Variants in TCIRG1 observed in about 807,000 individuals in gnomAD.
TCIRG1 encodes the protein T cell immune regulator 1, ATPase H+ transporting V0 subunit a3.
In TCIRG1, 86 loss-of-function variants were observed where a neutral mutation model predicts 95.5. The observed-to-expected ratio is 0.90, with a 90% CI of 0.76 to 1.08. The LOEUF (loss-of-function observed/expected upper bound fraction) is 1.08. TCIRG1 is among the 50% of genes least tolerant of loss of function. The probability of loss-of-function intolerance (pLI) is 0.00; values close to 1 mark genes in which losing one functional copy is unlikely to be tolerated. For synonymous variants in TCIRG1, 499 were observed against 501.3 expected, an observed-to-expected ratio of 1.00 and a Z score of 0.06; for missense variants, 1,069 against 1,140.2, an observed-to-expected ratio of 0.94 and a Z score of 0.90.
At chr11:68,052,659 A>G (rs1855837481), downstream of TCIRG1, among the ~76,000 whole-genome samples, 1 of 152,152 alleles carries the variant, frequency 6.6e-6, no homozygotes, top group Non-Finnish European at 1.5e-5. Flanking sequence ...CAGGGAAACC[A>G]GAGTGTGCTG....
chr11:68,052,246 G>C (rs1434153075), downstream of TCIRG1: 1 of 152,414 alleles, frequency 6.6e-6, no homozygotes, highest in Non-Finnish European at 1.5e-5. Context: ...GGGTGGTTTA[G>C]GGAATGGCAG....
chr11:68,046,999 G>A (rs1259355382), intron 10 of TCIRG1: 1 of 407,306 alleles, frequency 2.5e-6, no homozygotes, highest in South Asian at 1.7e-5. Flanking sequence ...CTCCTAAGTG[G>A]TGGGTTCTTT....
In TCIRG1 at chr11:68,049,603, C is replaced by T. The variant is rs1046299569; in HGVS notation, c.1888-60C>T. 41 of 1,576,940 alleles carry T rather than the reference C, an allele frequency of 2.6e-5. No individual in the cohort carries two copies. The South Asian group carries it at 3.1e-4, about 12-fold the overall frequency. Reference sequence around the variant, plus strand: ...TCTGGGCCCCGTGACTGCTGTGACTCAGGTTCCTTTGCAGGTGTGCACAGC... The same window carrying T: ...TCTGGGCCCCGTGACTGCTGTGACTTAGGTTCCTTTGCAGGTGTGCACAGC... On this transcript the variant is annotated intron_variant, in intron 15 of 19. Transcript: ENST00000265686.
intron 2 of TCIRG1, 96 bp from the exon 3 acceptor site, chr11:68,041,657 C>A: frequency 9.7e-7 from 1 of 1,032,564 alleles, no homozygotes; most frequent in Non-Finnish European, 1.5e-6. Context: ...CTGGAGGAGG[C>A]AGCTAAGGCC....
At chr11:68,043,550 T>G (rs200924575) in intron 6 of TCIRG1, 21 bp from the exon 7 acceptor site, 2 of 1,600,524 alleles carry the variant, frequency 1.2e-6, no homozygotes, top group Non-Finnish European at 1.7e-6. Flanking sequence ...GACCCCAGAG[T>G]CAGCTGAGCC....
chr11:68,043,676 C>T (rs982596059), intron 7 of TCIRG1, 23 bp downstream of exon 7: 10 of 1,587,804 alleles, frequency 6.3e-6, no homozygotes, highest in Non-Finnish European at 8.6e-6. Flanking sequence ...GAACACCCGC[C>T]CCACCGCCCT....
At chr11:68,049,936 G>A in intron 16 of TCIRG1, 26 bp from the exon 17 acceptor site, 2 of 1,594,734 alleles carry the variant, frequency 1.3e-6, no homozygotes, top group South Asian at 1.1e-5. Flanking sequence ...CTGGAGTGCT[G>A]CCAACACTGC....
At chr11:68,044,919 C>T in intron 9 of TCIRG1, 39 bp from the exon 10 acceptor site, 2 of 1,602,996 alleles carry the variant, frequency 1.2e-6, no homozygotes, top group African/African-American at 1.3e-5. Flanking sequence ...CCTGAAGGCC[C>T]CCGCCACCGT....
intron 10 of TCIRG1, chr11:68,047,003 GTTCTT>G: frequency 3.3e-6 from 1 of 304,126 alleles, no homozygotes; most frequent in South Asian, 2.0e-5. Flanking sequence ...TAAGTGGTGG[GTTCTT>G]TTTTTTTTTT....
intron 10 of TCIRG1, 118 bp from the exon 11 acceptor site, chr11:68,047,315 C>A: frequency 1.2e-6 from 1 of 843,284 alleles, no homozygotes; most frequent in Non-Finnish European, 1.7e-6. Context: ...GCCACTGTGC[C>A]TGGCTGCTAA....
At chr11:68,042,065 C>G (rs537717455) in intron 3 of TCIRG1, among the ~76,000 whole-genome samples, 2 of 152,070 alleles carry the variant, frequency 1.3e-5, no homozygotes, top group African/African-American at 4.8e-5. Flanking sequence ...GGGGAGGCCT[C>G]GAATACAGCA....
In TCIRG1 at chr11:68,047,474, A is replaced by T. The variant is rs1057066730; in HGVS notation, c.1207A>T (p.Met403Leu). 1.2e-6 allele frequency: 2 copies of T among 1,613,694 alleles called. No homozygotes were observed. The highest frequency in any genetic ancestry group is 2.7e-5 in the African/African-American group (2 of 74,834). Residue 403 changes from methionine to leucine, a missense_variant, in exon 11 of 20, where the codon ATG becomes TTG. Coordinates refer to ENST00000265686, the MANE Select transcript of TCIRG1 (RefSeq NM_006019.4). ...IITFPFLFAV[M>L]FGDVGHGLLM... Reference sequence around the variant, plus strand: ...CACCTTCCCCTTCCTGTTTGCTGTGATGTTCGGGGATGTGGGCCACGGGCT... The same window carrying T: ...CACCTTCCCCTTCCTGTTTGCTGTGTTGTTCGGGGATGTGGGCCACGGGCT...
intron 5 of TCIRG1, 76 bp from the exon 6 acceptor site, chr11:68,043,295 G>A: frequency 6.6e-7 from 1 of 1,513,260 alleles, no homozygotes; most frequent in Admixed American, 2.1e-5. Context: ...TGCTGGGCAG[G>A]GTCCTGCCCG....
Position 68,042,657 on chromosome 11 carries a change from G to A in TCIRG1, c.211G>A (p.Glu71Lys). ...LEKTFTFLQEEVRRAGLVLPP... is the reference protein window; with the variant it reads ...LEKTFTFLQEKVRRAGLVLPP... ...TCTGCGCCCAGCCTTCCTGCAGGAG[G>A]AGGTGCGGCGGGCTGGGCTGGTCCT... The change falls in exon 4 of 20, where the codon GAG (glutamate) becomes AAG (lysine). Residue 71 changes from glutamate to lysine, a missense_variant. By Grantham distance (56) the Glu-to-Lys change is moderately conservative. Coordinates refer to ENST00000265686, the MANE Select transcript of TCIRG1 (RefSeq NM_006019.4). 1.3e-6 allele frequency: 2 copies of A among 1,547,494 alleles called. No homozygotes were observed. The highest frequency in any genetic ancestry group is 1.7e-6 in the Non-Finnish European group (2 of 1,146,462).
At chr11:68,041,920 C>T in intron 3 of TCIRG1, 89 bp downstream of exon 3, 1 of 1,242,242 alleles carries the variant, frequency 8.0e-7, no homozygotes, top group Non-Finnish European at 1.2e-6. Flanking sequence ...CTGGGTTTGC[C>T]AGGTGGAAGG....
rs1414381695 is a variant in TCIRG1, at chr11:68,043,326, A to G, written c.504-45A>G. The G allele has an allele frequency of 2.6e-6, 4 of 1,529,500 alleles. No homozygotes were observed. In the South Asian group the frequency reaches 4.8e-5, roughly 18 times the overall value. The allele number at this position is 1,529,500 out of a possible 1,614,324, so 94.7% of individuals were successfully genotyped here. ...GCCCGGGGGGCCTGGTGGGGGAGGC[A>G]GGGCAGGAGGTTGGAGCAGCCCTGC... On this transcript the variant is annotated intron_variant, in intron 5 of 19. Transcript: ENST00000265686.
At chr11:68,043,210 CT>C in intron 5 of TCIRG1, 160 bp from the exon 6 acceptor site, 1 of 1,479,756 alleles carries the variant, frequency 6.8e-7, no homozygotes. Context: ...GGGTTCTCCT[CT>C]TCTGGTCCTG....
In TCIRG1 at chr11:68,050,012, C is replaced by T. The variant is rs778816852; in HGVS notation, c.2064C>T (p.Gly688=). 1 of 1,613,250 alleles carries T rather than the reference C, an allele frequency of 6.2e-7. No individual in the cohort carries two copies. The highest frequency in any genetic ancestry group is 1.3e-5 in the African/African-American group (1 of 75,046). The change falls in exon 17 of 20, where the codon GGC becomes GGT. Residue 688 remains glycine, a synonymous_variant. Transcript: ENST00000265686. ...LLDLPDASVN[G]WSSDEEKAGG... is the part of the protein sequence containing the mutation. ...ACCTGCCTGACGCATCTGTGAATGG[C>T]TGGAGCTCCGATGAGGAAAAGGCAG... is the stretch of plus-strand genomic sequence containing the variant.
In TCIRG1 at chr11:68,042,853, A is replaced by C. The variant is rs549402119; in HGVS notation, c.407A>C (p.His136Pro). The change falls in exon 4 of 20, where the codon CAT (histidine) becomes CCT (proline). Residue 136 changes from histidine (H) to proline (P), a missense_variant. By Grantham distance (77) the His-to-Pro change is moderately conservative. Transcript: ENST00000265686. ...QLHAAVLRQG[H>P]EPQLAAAHTD... ...CACGCCGCCGTGCTACGCCAGGGCCATGAACCTCAGGTCAGCTCCCACCCA... is the reference window on the plus strand; with the variant it reads ...CACGCCGCCGTGCTACGCCAGGGCCCTGAACCTCAGGTCAGCTCCCACCCA... The C allele has an allele frequency of 1.9e-5, 30 of 1,549,508 alleles. No homozygotes were observed. The African/African-American group carries it at 4.0e-4, about 20-fold the overall frequency.
Sources: allele counts gnomAD v4.1 joint callset (sites outside exome capture counted in the v4.1 genomes callset), GRCh38; gene constraint gnomAD v4.1.1; transcripts MANE v1.5; gene names NCBI Gene and HGNC (gene_info 2026-07-23, HGNC 2026-07-21).